Variants in MAP3K20 observed in about 807,000 individuals in gnomAD.
The protein encoded by MAP3K20 is HCCS-4.
MAP3K20 carries 40 observed loss-of-function variants against 85.7 expected under a neutral mutation model. That is an observed-to-expected ratio of 0.47 (90% CI 0.36 to 0.61). MAP3K20 has a LOEUF of 0.61. Among genes scored for constraint, MAP3K20 ranks in the 20% least tolerant of loss-of-function variants. MAP3K20 has a pLI of 0.00. For missense variants in MAP3K20, 817 were observed against 961.7 expected, an observed-to-expected ratio of 0.85 and a Z score of 1.99; for synonymous variants, 325 against 327.7, an observed-to-expected ratio of 0.99 and a Z score of 0.09.
intron 2 of MAP3K20, among the ~76,000 whole-genome samples, chr2:173,129,190 G>A (rs1363642516): frequency 2.0e-5 from 3 of 151,992 alleles, no homozygotes; most frequent in Non-Finnish European, 4.4e-5. Context: ...GCTTCCCAAA[G>A]TGCTGGTGAG....
At chr2:173,188,545 G>A (rs182761820) in intron 5 of MAP3K20, among the ~76,000 whole-genome samples, 1 of 151,988 alleles carries the variant, frequency 6.6e-6, no homozygotes, top group Admixed American at 6.6e-5. Context: ...GAGAACCAGG[G>A]AATGAATCGA....
intron 10 of MAP3K20, 81 bp from the exon 11 acceptor site, chr2:173,217,034 T>G (rs1011762331): frequency 3.1e-6 from 4 of 1,296,788 alleles, no homozygotes; most frequent in African/African-American, 1.5e-5. Flanking sequence ...TCTTTTACTT[T>G]GATTAGCATT....
chr2:173,185,438 TA>T lies in MAP3K20; in HGVS notation c.350-2108del, dbSNP rs1050410980. 4.5e-3 allele frequency among the ~76,000 whole-genome samples: 654 copies of T among 145,482 alleles called. 6 individuals carry two copies. Among genetic ancestry groups the T allele is most frequent in the Admixed American group, 0.026 (382 of 14,596 alleles). ...TTAAAAATCCTTTAAGATGGCCCAT[TA>T]AAAAAAAAAAATCAAGGCTTTAGGA... On this transcript the variant is annotated intron_variant, in intron 4 of 19. Transcript: ENST00000375213.
At chr2:173,253,299 G>A (rs1313976427) in intron 16 of MAP3K20, among the ~76,000 whole-genome samples, 2 of 152,158 alleles carry the variant, frequency 1.3e-5, no homozygotes, top group Non-Finnish European at 2.9e-5. Flanking sequence ...TTCGGTTCTG[G>A]CACAATGCTG....
chr2:173,197,313 C>T (rs1317632295), intron 7 of MAP3K20, among the ~76,000 whole-genome samples: 1 of 152,190 alleles, frequency 6.6e-6, no homozygotes, highest in African/African-American at 2.4e-5. Flanking sequence ...AATAATCATA[C>T]TGATCTCAAG....
intron 1 of MAP3K20, among the ~76,000 whole-genome samples, chr2:173,086,435 A>C (rs547462193): frequency 2.6e-5 from 4 of 152,234 alleles, no homozygotes; most frequent in Non-Finnish European, 5.9e-5. Context: ...TTTCAGCTAC[A>C]TCCATGATGC....
chr2:173,088,136 T>TG (rs34638789), intron 1 of MAP3K20, among the ~76,000 whole-genome samples: 1 of 152,024 alleles, frequency 6.6e-6, no homozygotes, highest in African/African-American at 2.4e-5. Flanking sequence ...GAGAGATTAA[T>TG]GGGGGGAATG....
At chr2:173,134,407 TATA>T (rs1688722301) in intron 2 of MAP3K20, among the ~76,000 whole-genome samples, 21 of 10,446 alleles carry the variant, frequency 2.0e-3, no homozygotes, top group Non-Finnish European at 4.5e-3. Flanking sequence ...TATATATATA[TATA>T]TATATATATA....
chr2:173,143,293 A>C (rs1444125131), intron 2 of MAP3K20, among the ~76,000 whole-genome samples: 1 of 152,218 alleles, frequency 6.6e-6, no homozygotes, highest in Non-Finnish European at 1.5e-5. Context: ...AAAAGATATA[A>C]CAATCATAAA....
intron 2 of MAP3K20, among the ~76,000 whole-genome samples, chr2:173,116,933 G>A (rs1316956171): frequency 6.6e-6 from 1 of 152,134 alleles, no homozygotes; most frequent in Non-Finnish European, 1.5e-5. Flanking sequence ...CAGATTCCTA[G>A]CTCCTTTGAA....
intron 2 of MAP3K20, among the ~76,000 whole-genome samples, chr2:173,134,719 C>T (rs1688751119): frequency 1.3e-5 from 2 of 151,792 alleles, no homozygotes; most frequent in African/African-American, 2.4e-5. Flanking sequence ...AGCTATGATG[C>T]TCTTTTTACT....
At chr2:173,187,395 A>G (rs1245797267) in intron 4 of MAP3K20, among the ~76,000 whole-genome samples, 163 bp from the exon 5 acceptor site, 1 of 152,204 alleles carries the variant, frequency 6.6e-6, no homozygotes, top group Non-Finnish European at 1.5e-5. Context: ...TCACATATAC[A>G]TGTTACTAAT....
rs781440355 is a variant in MAP3K20, at chr2:173,191,174, T to C, written c.579T>C (p.Gly193=). Residue 193 remains glycine (G), a synonymous_variant, in exon 7 of 20, where the codon GGT becomes GGC. Transcript: ENST00000375213. The stretch of plus-strand genomic sequence containing the variant: ...AAACTTGTGACACATATTCCTATGG[T>C]GTGGTGAGTTCATTTCTCATTTCTT... ...VSETCDTYSY[G]VVLWEMLTRE... 1 of 1,612,646 alleles carries C rather than the reference T, an allele frequency of 6.2e-7. No homozygotes were observed. Among genetic ancestry groups the C allele is most frequent in the East Asian group, 2.2e-5 (1 of 44,860 alleles).
intron 17 of MAP3K20, 48 bp downstream of exon 17, chr2:173,258,863 C>A: frequency 2.5e-6 from 3 of 1,185,248 alleles, no homozygotes; most frequent in South Asian, 2.5e-5. Flanking sequence ...TCACAGATAT[C>A]AAACAAAGAC....
chr2:173,178,367 G>A (rs1003075625), intron 3 of MAP3K20, among the ~76,000 whole-genome samples: 4 of 152,186 alleles, frequency 2.6e-5, no homozygotes, highest in Non-Finnish European at 5.9e-5. Context: ...AATTAGGCTG[G>A]GCGCAGTGGC....
intron 16 of MAP3K20, among the ~76,000 whole-genome samples, chr2:173,243,356 T>A (rs1026492048): frequency 6.6e-6 from 1 of 152,108 alleles, no homozygotes; most frequent in Admixed American, 6.5e-5. Context: ...GAGAGGACAT[T>A]GAAGGCAGAC....
intron 3 of MAP3K20, among the ~76,000 whole-genome samples, chr2:173,175,062 T>A (rs1690114532): frequency 2.6e-5 from 4 of 152,216 alleles, no homozygotes; most frequent in Admixed American, 2.0e-4. Flanking sequence ...ATAATTGCTC[T>A]GTGTTAAATT....
At chr2:173,224,284 A>C in intron 11 of MAP3K20, 1 of 985,474 alleles carries the variant, frequency 1.0e-6, no homozygotes, top group Non-Finnish European at 1.2e-6. Flanking sequence ...GGATCCCTGC[A>C]CTTTATGTAA....
intron 16 of MAP3K20, among the ~76,000 whole-genome samples, chr2:173,253,179 G>T (rs1225284655): frequency 6.6e-6 from 1 of 152,140 alleles, no homozygotes; most frequent in Non-Finnish European, 1.5e-5. Flanking sequence ...AAGCTACCTT[G>T]TTCTCGGTCC....
Sources: gnomAD v4.1 joint callset for allele counts (sites outside exome capture counted in the v4.1 genomes callset) on GRCh38, gnomAD v4.1.1 for gene constraint, MANE v1.5 for transcripts, NCBI Gene and HGNC (gene_info 2026-07-23, HGNC 2026-07-21) for gene names.